ACSF3: variants seen among roughly 807,000 people sequenced by gnomAD.
ACSF3 encodes malonate--CoA ligase ACSF3, mitochondrial.
Under a neutral mutation model 53.2 loss-of-function variants are expected in ACSF3, and 78 were observed. That is an observed-to-expected ratio of 1.47 (90% CI 1.22 to 1.77). The LOEUF is 1.77. Ranked by LOEUF, ACSF3 falls within the 40% of genes most tolerant of loss-of-function variation. The pLI, the probability that ACSF3 is intolerant of heterozygous loss-of-function variation, is 0.00. For missense variants in ACSF3, 937 were observed against 771.1 expected (o/e 1.22, Z -2.55); for synonymous variants, 414 against 333.1 (o/e 1.24, Z -2.65).
intron 4 of ACSF3, among the ~76,000 whole-genome samples, chr16:89,107,828 T>C (rs960250170): frequency 2.0e-5 from 3 of 152,092 alleles, no homozygotes; most frequent in Non-Finnish European, 4.4e-5. Flanking sequence ...CAGCCCCAAA[T>C]GTGGCTGCAT....
At chr16:89,137,452 CT>C in intron 8 of ACSF3, among the ~76,000 whole-genome samples, 2 of 136,150 alleles carry the variant, frequency 1.5e-5, no homozygotes, top group Non-Finnish European at 3.2e-5. Flanking sequence ...AGCCCCAGGT[CT>C]CGGGAGGACC....
chr16:89,136,600 C>T, intron 8 of ACSF3: 3 of 1,286,346 alleles, frequency 2.3e-6, no homozygotes, highest in Non-Finnish European at 2.0e-6. Context: ...CAGGGGACAG[C>T]CAGGGATGGC....
At chr16:89,105,536 C>T (rs1394544174) in intron 4 of ACSF3, among the ~76,000 whole-genome samples, 1 of 152,216 alleles carries the variant, frequency 6.6e-6, no homozygotes, top group African/African-American at 2.4e-5. Context: ...GCTCCCTCCT[C>T]TCCGCCTTAA....
chr16:89,107,510 G>A (rs1336306800), intron 4 of ACSF3, among the ~76,000 whole-genome samples: 1 of 151,864 alleles, frequency 6.6e-6, no homozygotes, highest in Non-Finnish European at 1.5e-5. Context: ...TGTGTTTCTG[G>A]TTCACTGTGC....
At chr16:89,144,144 A>C (rs1282859484) in intron 8 of ACSF3, among the ~76,000 whole-genome samples, 1 of 152,200 alleles carries the variant, frequency 6.6e-6, no homozygotes, top group African/African-American at 2.4e-5. Flanking sequence ...GTCATGAGAC[A>C]GCTTCGGGCT....
intron 8 of ACSF3, among the ~76,000 whole-genome samples, chr16:89,138,962 G>C (rs1401805917): frequency 1.3e-5 from 2 of 152,128 alleles, no homozygotes; most frequent in East Asian, 3.9e-4. Context: ...CCCTTCCCCA[G>C]ACTCGCCGGC....
chr16:89,126,261 AT>A (rs1275048492), intron 7 of ACSF3, among the ~76,000 whole-genome samples: 6 of 151,880 alleles, frequency 4.0e-5, no homozygotes, highest in Admixed American at 1.3e-4. Flanking sequence ...GCAGGTGGGT[AT>A]GGGGGGAGAG....
At chr16:89,140,688 G>C (rs1460581934) in intron 8 of ACSF3, among the ~76,000 whole-genome samples, 2 of 152,086 alleles carry the variant, frequency 1.3e-5, no homozygotes, top group South Asian at 4.1e-4. Flanking sequence ...TGCGGGTCAG[G>C]ACATCCCCCC....
In ACSF3 at chr16:89,107,813, C is replaced by T. The variant is rs568399805; in HGVS notation, c.823-4279C>T. Among the ~76,000 whole-genome samples, 105 of 152,184 alleles carry T rather than the reference C, an allele frequency of 6.9e-4. 1 individual carries two copies. Among genetic ancestry groups the T allele is most frequent in the Admixed American group, 1.4e-3 (22 of 15,276 alleles). On this transcript the variant is annotated intron_variant, in intron 4 of 10. Coordinates refer to ENST00000614302, the MANE Select transcript of ACSF3 (RefSeq NM_001243279.3). ...CTCAAACGTGGCTGCATGTTTCACACACCCCAGCCCCAAATGTGGCTGCAT... is the reference window on the plus strand; with the variant it reads ...CTCAAACGTGGCTGCATGTTTCACATACCCCAGCCCCAAATGTGGCTGCAT...
intron 7 of ACSF3, 137 bp downstream of exon 7, chr16:89,121,050 GCTGGCTGGTGTTGCAAGGGCA>G: frequency 1.3e-6 from 1 of 754,906 alleles, no homozygotes. Flanking sequence ...CACTGCAGGT[GCTGGCTGGTGTTGCAAGGGCA>G]CTGGCTGGTG....
rs1336554812 is a variant in ACSF3, at chr16:89,156,080, G to A, written c.*1873G>A. ...AAAGTCACGAGTGACTCTCCAGCTGGTCCCTGTGCCAGGCTGGTCGGCCTT... is the reference window on the plus strand; with the variant it reads ...AAAGTCACGAGTGACTCTCCAGCTGATCCCTGTGCCAGGCTGGTCGGCCTT... On this transcript the variant is annotated 3_prime_UTR_variant, in exon 11 of 11. Transcript: ENST00000614302. 6.6e-6 allele frequency among the ~76,000 whole-genome samples: 1 copy of A among 152,176 alleles called. No homozygotes were observed. The highest frequency in any genetic ancestry group is 2.4e-5 in the African/African-American group (1 of 41,454).
rs376153659 is a variant in ACSF3 at position 89,114,402 on chromosome 16, G to C, written c.1041G>C (p.Thr347=). 5.6e-6 allele frequency: 9 copies of C among 1,613,908 alleles called. No homozygotes were observed. The highest frequency in any genetic ancestry group is 1.7e-5 in the Admixed American group (1 of 59,998). The stretch of plus-strand genomic sequence containing the variant: ...TGCTGGAGAAGTGGAAGAACATCAC[G>C]GGCCACACCCTGCTGGAGCGGTATG... The part of the protein sequence containing the change: ...LPVLEKWKNI[T]GHTLLERYGM... The change falls in exon 6 of 11, where the codon ACG becomes ACC. Residue 347 remains threonine (T), a synonymous_variant. Coordinates refer to ENST00000614302, the MANE Select transcript of ACSF3 (RefSeq NM_001243279.3).
Position 89,133,182 on chromosome 16 carries a change from G to T in ACSF3, c.1286G>T (p.Gly429Val). The change falls in exon 8 of 11, where the codon GGA (glycine) becomes GTA (valine). Residue 429 changes from glycine (G) to valine (V), a missense_variant. Physicochemically the swap from Gly to Val is moderately radical, Grantham distance 109. Transcript: ENST00000614302. ...EEKEGELLVR[G>V]PSVFREYWNK... is the part of the protein sequence containing the mutation. ...AAGGAGGGGGAGCTGCTGGTGAGGG[G>T]ACCCTCCGTGTTTCGAGAATACTGG... 6.2e-7 allele frequency: 1 copy of T among 1,614,066 alleles called. No individual in the cohort carries two copies. The highest frequency in any genetic ancestry group is 8.5e-7 in the Non-Finnish European group (1 of 1,180,012).
chr16:89,105,301 C>G (rs1975838460), intron 4 of ACSF3, among the ~76,000 whole-genome samples: 1 of 152,178 alleles, frequency 6.6e-6, no homozygotes, highest in African/African-American at 2.4e-5. Context: ...CCAGGCCTTC[C>G]TGGCTCCCCT....
Position 89,141,436 on chromosome 16 carries a change from T to C in ACSF3, c.1367-3831T>C, listed in dbSNP as rs544433806. The stretch of plus-strand genomic sequence containing the variant: ...GCGGGGCCGCCCCTTTGGGTGGGGG[T>C]GCCCAGGCCTTGCAGACAAGACACT... On this transcript the variant is annotated intron_variant, in intron 8 of 10. Coordinates refer to ENST00000614302, the MANE Select transcript of ACSF3 (RefSeq NM_001243279.3). Among the ~76,000 whole-genome samples the C allele has an allele frequency of 2.3e-3, 356 of 151,934 alleles. 1 individual carries two copies. The highest frequency in any genetic ancestry group is 3.9e-3 in the Non-Finnish European group (266 of 67,940).
At chr16:89,106,645 C>T (rs1365102648) in intron 4 of ACSF3, among the ~76,000 whole-genome samples, 1 of 152,216 alleles carries the variant, frequency 6.6e-6, no homozygotes. Context: ...GATTGCAACT[C>T]TTTTCCATAA....
chr16:89,128,188 C>T (rs188589199), intron 7 of ACSF3, among the ~76,000 whole-genome samples: 37 of 151,452 alleles, frequency 2.4e-4, no homozygotes, highest in African/African-American at 8.4e-4. Flanking sequence ...CATTTAATGA[C>T]GTACGTTGCC....
At chr16:89,139,437 G>A (rs535881648) in intron 8 of ACSF3, among the ~76,000 whole-genome samples, 2 of 152,212 alleles carry the variant, frequency 1.3e-5, no homozygotes, top group East Asian at 3.9e-4. Context: ...GTCTCTCCGG[G>A]TCTTCGTTCT....
rs78694475 is a variant in ACSF3, at chr16:89,094,695, C to G, written c.-194+699C>G. Among the ~76,000 whole-genome samples the G allele has an allele frequency of 1.3e-3, 195 of 152,222 alleles. 6 individuals carry two copies. The East Asian group carries it at 0.029, about 23-fold the overall frequency. On this transcript the variant is annotated intron_variant, in intron 1 of 10. Transcript: ENST00000614302. ...ATCACTTGTGGCCAGGAGTTCAAAG[C>G]CAGCCTGGGCAACATGGTGAGACCC...
Sources: gnomAD v4.1 joint callset for allele counts (sites outside exome capture counted in the v4.1 genomes callset) on GRCh38, gnomAD v4.1.1 for gene constraint, MANE v1.5 for transcripts, NCBI Gene and HGNC (gene_info 2026-07-23, HGNC 2026-07-21) for gene names.